The following PEAK1 variants were observed in gnomAD, a reference collection of about 807,000 sequenced individuals.
The protein encoded by PEAK1 is inactive tyrosine-protein kinase PEAK1.
Under a neutral mutation model 124.7 loss-of-function variants are expected in PEAK1, and 54 were observed. That is an observed-to-expected ratio of 0.43 (90% confidence interval 0.35 to 0.54). The LOEUF (loss-of-function observed/expected upper bound fraction) is 0.54, where lower values mean the gene tolerates loss of function less well. Ranked by LOEUF, PEAK1 falls within the 20% of genes least tolerant of loss-of-function variation. The probability of loss-of-function intolerance (pLI) is 0.01; values close to 1 mark genes in which losing one functional copy is unlikely to be tolerated. For missense variants in PEAK1, 2,046 were observed against 2,134.5 expected, an observed-to-expected ratio of 0.96 and a Z score of 0.82; for synonymous variants, 719 against 760.0, an observed-to-expected ratio of 0.95 and a Z score of 0.89.
intron 2 of PEAK1, chr15:77,349,982 G>C: frequency 1.0e-6 from 1 of 984,826 alleles, no homozygotes. Context: ...AAAGGATCAA[G>C]CATTATAGGA....
chr15:77,419,383 AGGG>A, intron 1 of PEAK1: 1 of 985,298 alleles, frequency 1.0e-6, no homozygotes, highest in African/African-American at 1.7e-5. Context: ...GATGGGTCAA[AGGG>A]CAGAAAAGAA....
chr15:77,253,986 A>G (rs1232031433), intron 5 of PEAK1, among the ~76,000 whole-genome samples: 1 of 151,720 alleles, frequency 6.6e-6, no homozygotes, highest in African/African-American at 2.4e-5. Context: ...AACTTGGCTA[A>G]TTTTTGTATT....
intron 1 of PEAK1, chr15:77,371,456 T>G (rs2068634261): frequency 1.0e-6 from 1 of 983,572 alleles, no homozygotes; most frequent in Admixed American, 6.2e-5. Flanking sequence ...AAATAATCTA[T>G]TCACATGTAA....
At chr15:77,218,575 CT>C (rs567879634) in intron 6 of PEAK1, among the ~76,000 whole-genome samples, 39 of 143,486 alleles carry the variant, frequency 2.7e-4, no homozygotes, top group East Asian at 6.0e-4. Context: ...ATTCTCTTTT[CT>C]TTTTTTTTTT....
chr15:77,337,796 C>T (rs1597351275), intron 2 of PEAK1: 1 of 985,100 alleles, frequency 1.0e-6, no homozygotes, highest in South Asian at 4.7e-5. Context: ...TTGAGGAAGA[C>T]AGAATGGAAA....
At position 77,179,525 on chromosome 15, in the gene PEAK1, G is replaced by A. The variant is rs2057109390; in HGVS notation, c.2402C>T (p.Pro801Leu). 2.5e-6 allele frequency: 4 copies of A among 1,614,016 alleles called. No homozygotes were observed. The highest frequency in any genetic ancestry group is 3.4e-6 in the Non-Finnish European group (4 of 1,180,016). ...CSVEELYAIP[P>L]DADVAKSTPK... ...TGTGCTCTTAGCAACATCAGCATCT[G>A]GAGGAATGGCATAAAGCTCTTCCAC... The change falls in exon 7 of 10, where the codon CCA becomes CTA. Residue 801 changes from proline (P) to leucine (L), a missense_variant. Pro to Leu is a moderately conservative substitution (Grantham distance 98). Coordinates refer to ENST00000682557, the MANE Select transcript of PEAK1 (RefSeq NM_001385026.1).
chr15:77,148,794 C>T (rs76761168), intron 8 of PEAK1, among the ~76,000 whole-genome samples: 1,957 of 151,868 alleles, frequency 0.013, 28 homozygotes, highest in Middle Eastern at 0.021. Flanking sequence ...ATGTGGTGCA[C>T]GCCTGTAGAC....
At chr15:77,405,727 T>G (rs2142053517) in intron 1 of PEAK1, among the ~76,000 whole-genome samples, 1 of 152,260 alleles carries the variant, frequency 6.6e-6, no homozygotes, top group African/African-American at 2.4e-5. Context: ...ACATATCCAT[T>G]CCTAGGGACA....
rs962905170 is a variant in PEAK1 at position 77,112,471 on chromosome 15, T to C, written c.*1685A>G. On this transcript the variant is annotated 3_prime_UTR_variant, in exon 10 of 10. Coordinates refer to ENST00000682557, the MANE Select transcript of PEAK1 (RefSeq NM_001385026.1). The stretch of plus-strand genomic sequence containing the variant: ...ACTCACTCACTAGGCACAGAGAACA[T>C]GTCTGTCAACCCTGCCACAGGTTGC... 7 of 152,228 alleles carry C rather than the reference T, an allele frequency of 4.6e-5. No individual in the cohort carries two copies. The highest frequency in any genetic ancestry group is 1.7e-4 in the African/African-American group (7 of 41,444). 9.4% of individuals were successfully genotyped at this position (152,228 alleles called of 1,614,324 possible). A position where few individuals can be genotyped will look rare whatever the true frequency, so the allele number is the denominator to read the frequency against.
intron 1 of PEAK1, among the ~76,000 whole-genome samples, chr15:77,408,005 G>A (rs563441084): frequency 6.2e-4 from 83 of 132,856 alleles, no homozygotes; most frequent in African/African-American, 1.0e-3. Flanking sequence ...ATACACACAC[G>A]TACACATATA....
At chr15:77,355,906 G>A in intron 2 of PEAK1, 1 of 985,390 alleles carries the variant, frequency 1.0e-6, no homozygotes, top group Non-Finnish European at 1.2e-6. Context: ...AAAACCCCTG[G>A]GTTGACTAGG....
intron 8 of PEAK1, among the ~76,000 whole-genome samples, chr15:77,151,535 T>G (rs561513924): frequency 6.6e-6 from 1 of 152,222 alleles, no homozygotes; most frequent in Admixed American, 6.5e-5. Context: ...TTTGTCAATT[T>G]TGGCTTTTGC....
intron 1 of PEAK1, among the ~76,000 whole-genome samples, chr15:77,372,316 G>T (rs1367189316): frequency 6.6e-6 from 1 of 152,156 alleles, no homozygotes; most frequent in African/African-American, 2.4e-5. Flanking sequence ...GATAAAAGAT[G>T]ACAGGCAACA....
chr15:77,263,637 C>T (rs1014894039), intron 5 of PEAK1, among the ~76,000 whole-genome samples: 7 of 152,030 alleles, frequency 4.6e-5, no homozygotes, highest in African/African-American at 1.7e-4. Context: ...AAAAAAAGGC[C>T]AGGACCAGAT....
In PEAK1 at chr15:77,179,146, T is replaced by C. The variant is rs755594511; in HGVS notation, c.2781A>G (p.Ser927=). The C allele has an allele frequency of 5.0e-6, 8 of 1,614,060 alleles. No homozygotes were observed. Among genetic ancestry groups the C allele is most frequent in the South Asian group, 2.2e-5 (2 of 91,092 alleles). The change falls in exon 7 of 10, where the codon TCA becomes TCG. Residue 927 remains serine (S), a synonymous_variant. Transcript: ENST00000682557. ...TCCGACGGCGGAAGAAGCTTTTAAA[T>C]GATATCCAGCGCTTAGGTTTTGCAT... ...AADAKPKRWI[S]FKSFFRRRKT...
chr15:77,321,647 G>A (rs2065225848), intron 2 of PEAK1, among the ~76,000 whole-genome samples: 1 of 152,184 alleles, frequency 6.6e-6, no homozygotes, highest in Non-Finnish European at 1.5e-5. Context: ...CTGTGCAGAA[G>A]CTCTTTAGTT....
intron 1 of PEAK1, chr15:77,370,650 G>T: frequency 2.1e-6 from 2 of 965,550 alleles, no homozygotes; most frequent in Non-Finnish European, 2.5e-6. Context: ...AAAACCCACA[G>T]ATTTAATGTG....
In PEAK1 at chr15:77,283,989, T is replaced by C. The variant is rs2062797003; in HGVS notation, c.-381A>G. The C allele has an allele frequency of 4.1e-6, 4 of 984,422 alleles. No individual in the cohort carries two copies. The African/African-American group carries it at 5.2e-5, about 13-fold the overall frequency. The allele number at this position is 984,422 out of a possible 1,614,324, so 61.0% of individuals were successfully genotyped here. On this transcript the variant is annotated 5_prime_UTR_variant, in exon 5 of 10. Coordinates refer to ENST00000682557, the MANE Select transcript of PEAK1 (RefSeq NM_001385026.1). ...TTCATAAATCATTGAATTCTCACTTTCTCACAAAATGGTACTTCATTGAAG... is the reference window on the plus strand; with the variant it reads ...TTCATAAATCATTGAATTCTCACTTCCTCACAAAATGGTACTTCATTGAAG...
intron 6 of PEAK1, among the ~76,000 whole-genome samples, chr15:77,247,004 T>G (rs1328534864): frequency 6.6e-6 from 1 of 152,196 alleles, no homozygotes; most frequent in Admixed American, 6.5e-5. Context: ...GGTGACAGTG[T>G]GAGACTCCGT....
Sources: gnomAD v4.1 joint callset for allele counts (sites outside exome capture counted in the v4.1 genomes callset) on GRCh38, gnomAD v4.1.1 for gene constraint, MANE v1.5 for transcripts, NCBI Gene and HGNC (gene_info 2026-07-23, HGNC 2026-07-21) for gene names.